The following LMCD1 variants were observed in gnomAD, a reference collection of about 807,000 sequenced individuals.
LMCD1 encodes LIM and cysteine rich domains 1.
Under a neutral mutation model 42.7 loss-of-function variants are expected in LMCD1, and 32 were observed. The ratio of observed to expected loss-of-function variants is 0.75; its 90% CI spans 0.57 to 1.01. LMCD1 has a LOEUF of 1.01. LMCD1 is among the 50% of genes least tolerant of loss of function. The pLI is 0.00. For missense variants in LMCD1, 458 were observed against 483.1 expected (o/e 0.95, Z 0.49); for synonymous variants, 178 against 184.9 (o/e 0.96, Z 0.30).
At chr3:8,532,928 C>T (rs771215286) in intron 2 of LMCD1, 103 bp downstream of exon 2, 78 of 927,154 alleles carry the variant, frequency 8.4e-5, no homozygotes, top group Middle Eastern at 7.2e-4. Context: ...TGGTTGTATG[C>T]GTTGTCAGGG....
chr3:8,505,941 C>T (rs1693871597), intron 1 of LMCD1, among the ~76,000 whole-genome samples: 1 of 152,246 alleles, frequency 6.6e-6, no homozygotes, highest in Non-Finnish European at 1.5e-5. Context: ...TAAACTGTCA[C>T]TTAAAGACCT....
At chr3:8,555,715 GCTT>G (rs1254432823) in intron 4 of LMCD1, among the ~76,000 whole-genome samples, 52 of 95,704 alleles carry the variant, frequency 5.4e-4, no homozygotes, top group African/African-American at 2.7e-3. Context: ...CCTTCAACGA[GCTT>G]TTTTTTTTTT....
intron 4 of LMCD1, among the ~76,000 whole-genome samples, chr3:8,558,185 G>C (rs557417906): frequency 6.6e-6 from 1 of 152,282 alleles, no homozygotes; most frequent in Non-Finnish European, 1.5e-5. Context: ...TCATGGAAAA[G>C]GAATTAAATT....
In LMCD1 at chr3:8,571,782, T is replaced by G. The variant is rs544669911; in HGVS notation, c.*4184T>G. ...AGTAAATAGCCCTGCTGTTGTTTTC[T>G]TTTCTTTTGATAGAATGTCAAACTT... On this transcript the variant is annotated 3_prime_UTR_variant, in exon 6 of 6. Transcript: ENST00000157600. 1 of 152,348 alleles carries G rather than the reference T, an allele frequency of 6.6e-6. No homozygotes were observed. The highest frequency in any genetic ancestry group is 2.4e-5 in the African/African-American group (1 of 41,588). 9.4% of individuals were successfully genotyped at this position (152,348 alleles called of 1,614,324 possible). A position where few individuals can be genotyped will look rare whatever the true frequency, so the allele number is the denominator to read the frequency against.
At chr3:8,527,616 A>C (rs1694324929) in intron 1 of LMCD1, among the ~76,000 whole-genome samples, 2 of 152,194 alleles carry the variant, frequency 1.3e-5, no homozygotes, top group African/African-American at 2.4e-5. Flanking sequence ...ATAACAAGTC[A>C]TGTTGACCAA....
chr3:8,559,355 A>G (rs1375023156), intron 4 of LMCD1, among the ~76,000 whole-genome samples: 2 of 152,206 alleles, frequency 1.3e-5, no homozygotes, highest in Non-Finnish European at 2.9e-5. Context: ...GGAATACACG[A>G]GATTTTAGCA....
chr3:8,511,350 T>G (rs1282601773), intron 1 of LMCD1, among the ~76,000 whole-genome samples: 1 of 152,218 alleles, frequency 6.6e-6, no homozygotes, highest in Non-Finnish European at 1.5e-5. Context: ...ACACAAATAT[T>G]ATATGCCAGG....
chr3:8,519,755 G>A (rs74513402), intron 1 of LMCD1, among the ~76,000 whole-genome samples: 35 of 135,290 alleles, frequency 2.6e-4, no homozygotes, highest in African/African-American at 3.6e-4. Context: ...AAAAAAAAAA[G>A]AAAAGAAAAG....
chr3:8,560,219 G>T (rs933328429), intron 4 of LMCD1, among the ~76,000 whole-genome samples: 2 of 140,650 alleles, frequency 1.4e-5, no homozygotes, highest in African/African-American at 2.8e-5. Context: ...GCGTAACATA[G>T]TGGGACCCCA....
In LMCD1 at chr3:8,568,295, C is replaced by T. The variant is rs1695163045; in HGVS notation, c.*697C>T. The T allele has an allele frequency of 6.6e-6, 1 of 152,180 alleles. No individual in the cohort carries two copies. The highest frequency in any genetic ancestry group is 1.5e-5 in the Non-Finnish European group (1 of 68,048). The allele number at this position is 152,180 out of a possible 1,614,324, so 9.4% of individuals were successfully genotyped here. ...GCCCCACCTGCCTATTCCAGATACT[C>T]CCAGATCACTAATGTAACAAAGGTA... On this transcript the variant is annotated 3_prime_UTR_variant, in exon 6 of 6. Coordinates refer to ENST00000157600, the MANE Select transcript of LMCD1 (RefSeq NM_014583.4).
chr3:8,544,998 C>T (rs1342681489), intron 3 of LMCD1, among the ~76,000 whole-genome samples: 1 of 152,178 alleles, frequency 6.6e-6, no homozygotes, highest in African/African-American at 2.4e-5. Flanking sequence ...TCAATAAAAA[C>T]AAATATATAA....
chr3:8,520,759 GCCCTATAGGAAT>G (rs956770897), intron 1 of LMCD1, among the ~76,000 whole-genome samples: 3 of 152,184 alleles, frequency 2.0e-5, no homozygotes, highest in Non-Finnish European at 4.4e-5. Context: ...GTCAACTTTT[GCCCTATAGGAAT>G]CCCTTTCATA....
chr3:8,548,672 T>C lies in LMCD1; in HGVS notation c.492T>C (p.Tyr164=), dbSNP rs536086160. ...RRQLMHQLPI[Y]DQDPSRCRGL... ...AGCTCATGCACCAGCTCCCCATCTA[T>C]GACCAGGATCCCTCGCGCTGCCGTG... The change falls in exon 4 of 6, where the codon TAT becomes TAC. Residue 164 remains tyrosine (Y), a synonymous_variant. Transcript: ENST00000157600. 1 of 1,614,196 alleles carries C rather than the reference T, an allele frequency of 6.2e-7. No individual in the cohort carries two copies. The highest frequency in any genetic ancestry group is 1.1e-5 in the South Asian group (1 of 91,088).
chr3:8,556,185 A>T (rs1431710016), intron 4 of LMCD1, among the ~76,000 whole-genome samples: 1 of 152,204 alleles, frequency 6.6e-6, no homozygotes, highest in Non-Finnish European at 1.5e-5. Context: ...CTTAATCCTA[A>T]GAATTATCCT....
chr3:8,552,055 C>T (rs963572575), intron 4 of LMCD1, among the ~76,000 whole-genome samples: 3 of 152,212 alleles, frequency 2.0e-5, no homozygotes, highest in Non-Finnish European at 2.9e-5. Context: ...CATGAACATA[C>T]GGGAACTGTA....
At chr3:8,503,500 A>T (rs1693810753) in intron 1 of LMCD1, among the ~76,000 whole-genome samples, 1 of 152,174 alleles carries the variant, frequency 6.6e-6, no homozygotes, top group African/African-American at 2.4e-5. Context: ...ATACCTATTA[A>T]TTGCTACCTA....
intron 4 of LMCD1, chr3:8,549,766 A>C (rs1298410395): frequency 1.4e-6 from 1 of 700,698 alleles, no homozygotes; most frequent in East Asian, 2.7e-5. Flanking sequence ...GCATCTGGTG[A>C]GGGACTTCTT....
chr3:8,532,519 G>A (rs1400735299), intron 1 of LMCD1, among the ~76,000 whole-genome samples: 1 of 152,130 alleles, frequency 6.6e-6, no homozygotes, highest in Non-Finnish European at 1.5e-5. Context: ...TTATTGGGAA[G>A]AGCCCCACCC....
intron 3 of LMCD1, among the ~76,000 whole-genome samples, chr3:8,545,535 A>G (rs1417293980): frequency 6.6e-6 from 1 of 152,158 alleles, no homozygotes; most frequent in Non-Finnish European, 1.5e-5. Flanking sequence ...CGAGAATCCC[A>G]GTTGTTTATC....
Sources: allele counts gnomAD v4.1 joint callset (sites outside exome capture counted in the v4.1 genomes callset), GRCh38; gene constraint gnomAD v4.1.1; transcripts MANE v1.5; gene names NCBI Gene and HGNC (gene_info 2026-07-23, HGNC 2026-07-21).